Variants in GNAQ observed in about 807,000 individuals in gnomAD.
GNAQ encodes the protein guanine nucleotide-binding protein G(q) subunit alpha.
In GNAQ, 8 loss-of-function variants were observed where a neutral mutation model predicts 43.9. The ratio of observed to expected loss-of-function variants is 0.18; its 90% confidence interval spans 0.11 to 0.33. The LOEUF (loss-of-function observed/expected upper bound fraction) is 0.33, where lower values mean the gene tolerates loss of function less well. GNAQ is among the 10% of genes least tolerant of loss of function. GNAQ has a pLI of 1.00. For missense variants in GNAQ, 158 were observed against 450.8 expected (o/e 0.35, Z 5.88); for synonymous variants, 155 against 170.7 (o/e 0.91, Z 0.71).
intron 2 of GNAQ, among the ~76,000 whole-genome samples, chr9:77,825,796 G>C (rs562498111): frequency 3.3e-5 from 5 of 152,256 alleles, no homozygotes; most frequent in Middle Eastern, 3.4e-3. Flanking sequence ...ATGCTAAACA[G>C]GCGGGAGGCT....
At chr9:77,789,093 G>C (rs1013446337) in intron 5 of GNAQ, among the ~76,000 whole-genome samples, 3 of 152,078 alleles carry the variant, frequency 2.0e-5, no homozygotes, top group African/African-American at 7.3e-5. Flanking sequence ...CTACCATTAG[G>C]AAAGGTACAC....
intron 5 of GNAQ, among the ~76,000 whole-genome samples, chr9:77,731,336 G>A (rs552556359): frequency 6.6e-6 from 1 of 152,182 alleles, no homozygotes; most frequent in Non-Finnish European, 1.5e-5. Flanking sequence ...CCAGCATTGT[G>A]TTCCAGAGAC....
At chr9:77,767,639 G>T (rs1826157743) in intron 5 of GNAQ, among the ~76,000 whole-genome samples, 1 of 152,186 alleles carries the variant, frequency 6.6e-6, no homozygotes, top group South Asian at 2.1e-4. Context: ...CGATAAAATG[G>T]GATGAGACTA....
At chr9:78,021,628 G>C (rs1023177659) in intron 1 of GNAQ, among the ~76,000 whole-genome samples, 4 of 152,158 alleles carry the variant, frequency 2.6e-5, no homozygotes, top group Non-Finnish European at 4.4e-5. Flanking sequence ...CAGCCCCCTA[G>C]ATGTGCCCTG....
chr9:77,830,970 T>A (rs765547224), intron 2 of GNAQ, among the ~76,000 whole-genome samples: 4 of 151,924 alleles, frequency 2.6e-5, no homozygotes, highest in Non-Finnish European at 5.9e-5. Flanking sequence ...ATCTTTCAGT[T>A]AGTTTGAAAG....
intron 2 of GNAQ, among the ~76,000 whole-genome samples, chr9:77,903,279 C>G (rs1201522990): frequency 6.6e-6 from 1 of 152,166 alleles, no homozygotes; most frequent in African/African-American, 2.4e-5. Context: ...GAATGCCCAG[C>G]TGCCTGATGG....
intron 1 of GNAQ, among the ~76,000 whole-genome samples, chr9:77,995,004 A>C (rs1243136395): frequency 6.6e-6 from 1 of 152,210 alleles, no homozygotes; most frequent in Non-Finnish European, 1.5e-5. Context: ...GTGAGAAATA[A>C]TCTAGTGAAT....
chr9:77,918,004 G>A (rs973060716), intron 2 of GNAQ, among the ~76,000 whole-genome samples: 1 of 152,094 alleles, frequency 6.6e-6, no homozygotes, highest in Non-Finnish European at 1.5e-5. Context: ...CTGTGAACTG[G>A]ACTCCCCCTG....
intron 1 of GNAQ, among the ~76,000 whole-genome samples, chr9:77,975,327 C>G (rs997824998): frequency 6.6e-6 from 1 of 152,172 alleles, no homozygotes; most frequent in Non-Finnish European, 1.5e-5. Context: ...AGAATGCTTA[C>G]TGGGTACCAA....
intron 1 of GNAQ, among the ~76,000 whole-genome samples, chr9:78,004,603 T>C (rs955118701): frequency 5.3e-5 from 8 of 152,154 alleles, no homozygotes; most frequent in East Asian, 1.9e-4. Flanking sequence ...TGCACCTTTA[T>C]TGGCTGCCTT....
At chr9:77,758,589 T>G (rs908418133) in intron 5 of GNAQ, among the ~76,000 whole-genome samples, 1 of 152,154 alleles carries the variant, frequency 6.6e-6, no homozygotes, top group African/African-American at 2.4e-5. Flanking sequence ...GATCCATGTT[T>G]CCTATTTTCT....
chr9:78,006,959 C>T (rs1823714530), intron 1 of GNAQ, among the ~76,000 whole-genome samples: 1 of 152,198 alleles, frequency 6.6e-6, no homozygotes, highest in Non-Finnish European at 1.5e-5. Flanking sequence ...GAGCCAAGTA[C>T]TCTTTGCAAC....
At chr9:77,742,269 T>A (rs1179043970) in intron 5 of GNAQ, among the ~76,000 whole-genome samples, 1 of 152,188 alleles carries the variant, frequency 6.6e-6, no homozygotes, top group Non-Finnish European at 1.5e-5. Flanking sequence ...TCTCTGTACC[T>A]CCTTTTTAAA....
At chr9:77,989,584 G>A (rs1280898984) in intron 1 of GNAQ, among the ~76,000 whole-genome samples, 1 of 152,234 alleles carries the variant, frequency 6.6e-6, no homozygotes, top group Non-Finnish European at 1.5e-5. Flanking sequence ...TAGTCTGGCT[G>A]CATATGGCTG....
intron 5 of GNAQ, among the ~76,000 whole-genome samples, chr9:77,762,173 C>T (rs1241744880): frequency 3.1e-5 from 4 of 130,968 alleles, no homozygotes; most frequent in Non-Finnish European, 6.6e-5. Context: ...AGGTGAGGGG[C>T]GCCTCTGCCC....
rs1829311261 is a variant in GNAQ, at chr9:77,941,251, A to G, written c.137-18906T>C. Among the ~76,000 whole-genome samples the G allele has an allele frequency of 2.0e-5, 3 of 151,608 alleles. 1 individual carries two copies. Among genetic ancestry groups the G allele is most frequent in the South Asian group, 4.2e-4 (2 of 4,808 alleles). On this transcript the variant is annotated intron_variant, in intron 1 of 6. Transcript: ENST00000286548. ...CTAAAAAAACTCAACAATAGCTACC[A>G]TATCTTTTTTTTTTTTGAGACAGAG...
intron 2 of GNAQ, among the ~76,000 whole-genome samples, chr9:77,906,435 CT>C (rs1247799841): frequency 3.9e-5 from 6 of 152,168 alleles, no homozygotes; most frequent in Non-Finnish European, 8.8e-5. Context: ...ATTGAATAAT[CT>C]TTATCAAAAG....
chr9:77,829,663 T>G (rs1442233191), intron 2 of GNAQ, among the ~76,000 whole-genome samples: 1 of 152,218 alleles, frequency 6.6e-6, no homozygotes, highest in Non-Finnish European at 1.5e-5. Flanking sequence ...GGAGGGCTGA[T>G]GTAGCTCTTG....
chr9:77,818,410 C>T (rs969937643), intron 2 of GNAQ, among the ~76,000 whole-genome samples: 27 of 146,394 alleles, frequency 1.8e-4, no homozygotes, highest in Non-Finnish European at 2.8e-4. Flanking sequence ...TGCATATAAA[C>T]GTTCCCAATG....
Sources: gnomAD v4.1 joint callset for allele counts (sites outside exome capture counted in the v4.1 genomes callset) on GRCh38, gnomAD v4.1.1 for gene constraint, MANE v1.5 for transcripts, NCBI Gene and HGNC (gene_info 2026-07-23, HGNC 2026-07-21) for gene names.